Variants in ANO1 observed in about 807,000 individuals in gnomAD.
ANO1 encodes anoctamin 1, also known as anoctamin-1.
ANO1 carries 59 observed loss-of-function variants against 124.0 expected under a neutral mutation model. The ratio of observed to expected loss-of-function variants is 0.48; its 90% confidence interval spans 0.39 to 0.59. ANO1 has a LOEUF of 0.59. Ranked by LOEUF, ANO1 falls within the 20% of genes least tolerant of loss-of-function variation. ANO1 has a pLI of 0.00. For synonymous variants in ANO1, 529 were observed against 532.0 expected, an observed-to-expected ratio of 0.99 and a Z score of 0.08; for missense variants, 1,059 against 1,328.0, an observed-to-expected ratio of 0.80 and a Z score of 3.15.
At chr11:70,016,381 GC>G (rs1856704156) in intron 1 of ANO1, 2 of 152,268 alleles carry the variant, frequency 1.3e-5, no homozygotes, top group South Asian at 4.1e-4. Context: ...ATTTGAGAAT[GC>G]GTGATGGGAG....
Position 70,161,148 on chromosome 11 carries a change from T to C in ANO1, c.1579-13T>C, listed in dbSNP as rs371810168. On this transcript the variant is annotated splice_polypyrimidine_tract_variant and intron_variant, in intron 16 of 25. Transcript: ENST00000355303. ...TGGGCCCCCAACCAAGAGTGCCCCT[T>C]TCCCCCCTGCAGATTGCAGTGACGT... 1.2e-5 allele frequency: 19 copies of C among 1,611,254 alleles called. No individual in the cohort carries two copies. The African/African-American group carries it at 1.3e-4, about 11-fold the overall frequency.
At chr11:70,175,186 G>A (rs78268557) in intron 22 of ANO1, among the ~76,000 whole-genome samples, 1,550 of 152,320 alleles carry the variant, frequency 0.01, 36 homozygotes, top group African/African-American at 0.036. Context: ...AGGCATTGGC[G>A]TCCCCACCAG....
the ANO1 span, among the ~76,000 whole-genome samples, chr11:69,972,842 C>A: frequency 3.9e-5 from 6 of 152,142 alleles, no homozygotes; most frequent in East Asian, 9.6e-4. Context: ...CTACACACAC[C>A]CATACTCAGT....
At chr11:70,094,237 C>T (rs1459223131) in intron 2 of ANO1, among the ~76,000 whole-genome samples, 2 of 152,198 alleles carry the variant, frequency 1.3e-5, no homozygotes, top group Non-Finnish European at 2.9e-5. Context: ...AGACCCCGCC[C>T]CTGCCCGCCG....
rs746897383 is a variant in ANO1, at chr11:70,165,474, C to T, written c.1955C>T (p.Ala652Val). The T allele has an allele frequency of 6.2e-7, 1 of 1,607,844 alleles. No individual in the cohort carries two copies. Among genetic ancestry groups the T allele is most frequent in the Non-Finnish European group, 8.5e-7 (1 of 1,177,326 alleles). ...GATGCTGCTCTCTGTCCACAGTGTG[C>T]GCCAGGGGGCTGCCTGATGGAGCTA... ...IFRSFRMEEC[A>V]PGGCLMELCI... Residue 652 changes from alanine to valine, a missense_variant, in exon 20 of 26, where the codon GCG becomes GTG. Around this residue, in one of 2 missense-constraint regions of ANO1, gnomAD observed 809 missense variants for 1,094.9 expected, o/e 0.74. Coordinates refer to ENST00000355303, the MANE Select transcript of ANO1 (RefSeq NM_018043.7).
chr11:70,003,521 G>A (rs1313676630), intron 1 of ANO1, among the ~76,000 whole-genome samples: 1 of 151,532 alleles, frequency 6.6e-6, no homozygotes, highest in Non-Finnish European at 1.5e-5. Flanking sequence ...CTCTGTGCTG[G>A]GAGGGCATAT....
rs116050411 is a variant in ANO1 at position 70,044,516 on chromosome 11, T to C, written c.59-34026T>C. On this transcript the variant is annotated intron_variant, in intron 1 of 27. Coordinates refer to the ANO1 transcript ENST00000531349. ...ATGATAGTACTTGATTGTAACCCAC[T>C]GAGTAAAATAGGAATCTATTAGTCC... Among the ~76,000 whole-genome samples, 1,028 of 152,204 alleles carry C rather than the reference T, an allele frequency of 6.8e-3. 9 individuals carry two copies. Among genetic ancestry groups the C allele is most frequent in the African/African-American group, 0.023 (964 of 41,550 alleles).
intron 23 of ANO1, among the ~76,000 whole-genome samples, chr11:70,181,211 A>G (rs1265153971): frequency 6.6e-6 from 1 of 152,154 alleles, no homozygotes; most frequent in Non-Finnish European, 1.5e-5. Flanking sequence ...AAAAGTTGAC[A>G]CCATGCACAT....
At chr11:70,133,424 C>T (rs1221025872) in intron 11 of ANO1, among the ~76,000 whole-genome samples, 1 of 152,098 alleles carries the variant, frequency 6.6e-6, no homozygotes, top group Non-Finnish European at 1.5e-5. Context: ...AGCAGCTGCT[C>T]GGGGGAGGCT....
intron 24 of ANO1, 147 bp downstream of exon 24, chr11:70,182,833 G>A: frequency 1.2e-6 from 1 of 831,494 alleles, no homozygotes; most frequent in Non-Finnish European, 1.7e-6. Context: ...AAAAAGGCTG[G>A]TGCAGTGGCT....
chr11:70,111,077 T>C (rs2045759174), intron 6 of ANO1: 1 of 452,108 alleles, frequency 2.2e-6, no homozygotes, highest in Middle Eastern at 3.3e-4. Flanking sequence ...AAATGTAGCT[T>C]TGATCCTGTC....
chr11:70,017,522 CCTTT>C (rs1346427069), intron 1 of ANO1, among the ~76,000 whole-genome samples: 11 of 137,564 alleles, frequency 8.0e-5, no homozygotes, highest in South Asian at 2.8e-4. Context: ...CTCCTTCCTT[CCTTT>C]CTTTCTTTCT....
upstream of ANO1, among the ~76,000 whole-genome samples, chr11:70,076,524 T>C (rs2044059858): frequency 6.6e-6 from 1 of 152,176 alleles, no homozygotes; most frequent in Non-Finnish European, 1.5e-5. Context: ...TACATTAGTA[T>C]TACACAATGT....
chr11:69,986,377 C>T (rs1275687069), intron 1 of ANO1, among the ~76,000 whole-genome samples: 1 of 149,642 alleles, frequency 6.7e-6, no homozygotes, highest in Non-Finnish European at 1.5e-5. Flanking sequence ...GGTCACAGGT[C>T]GCTGGGGCAC....
intron 9 of ANO1, among the ~76,000 whole-genome samples, chr11:70,125,440 T>C (rs10898612): frequency 0.96 from 143,586 of 148,964 alleles, 69,290 homozygotes; most frequent in East Asian, 1. Context: ...CGCTTGAACC[T>C]GAGAGGCGGA....
intron 2 of ANO1, among the ~76,000 whole-genome samples, chr11:70,095,374 GAA>G (rs1224109195): frequency 6.1e-5 from 2 of 32,960 alleles, no homozygotes; most frequent in Non-Finnish European, 1.5e-4. Context: ...AAGAAAGAAA[GAA>G]AGAAAGAAAG....
At chr11:70,008,121 G>A (rs1236674192) in intron 1 of ANO1, among the ~76,000 whole-genome samples, 1 of 152,000 alleles carries the variant, frequency 6.6e-6, no homozygotes, top group Non-Finnish European at 1.5e-5. Flanking sequence ...TTTTGTTGTT[G>A]TTGAGTTACA....
chr11:70,027,761 CAGTG>C (rs1401199226), intron 1 of ANO1, among the ~76,000 whole-genome samples: 1 of 152,150 alleles, frequency 6.6e-6, no homozygotes, highest in Non-Finnish European at 1.5e-5. Flanking sequence ...TGAGGGATGA[CAGTG>C]AGCTTCCTAG....
chr11:70,145,505 A>G (rs891379169), intron 11 of ANO1, among the ~76,000 whole-genome samples: 4 of 152,112 alleles, frequency 2.6e-5, no homozygotes, highest in Non-Finnish European at 4.4e-5. Context: ...TCTTTGTAAC[A>G]TCTTCACCCT....
Sources: gnomAD v4.1 joint callset for allele counts (sites outside exome capture counted in the v4.1 genomes callset) on GRCh38, gnomAD v4.1.1 for gene constraint, gnomAD v4.1.1 regional missense constraint, MANE v1.5 for transcripts, NCBI Gene and HGNC (gene_info 2026-07-23, HGNC 2026-07-21) for gene names.